Variants in SLC30A8 observed in about 807,000 individuals in gnomAD.
SLC30A8 encodes proton-coupled zinc antiporter SLC30A8.
SLC30A8 carries 27 observed loss-of-function variants against 36.9 expected under a neutral mutation model. The ratio of observed to expected loss-of-function variants is 0.73; its 90% confidence interval spans 0.54 to 1.01. SLC30A8 has a LOEUF of 1.01. SLC30A8 is among the 50% of genes least tolerant of loss of function. The probability of loss-of-function intolerance (pLI) is 0.00; values close to 1 mark genes in which losing one functional copy is unlikely to be tolerated. For missense variants in SLC30A8, 439 were observed against 452.0 expected (o/e 0.97, Z 0.26); for synonymous variants, 164 against 172.4 (o/e 0.95, Z 0.38).
chr8:116,966,429 G>T (rs1295819624), intron 1 of SLC30A8, among the ~76,000 whole-genome samples: 1 of 151,964 alleles, frequency 6.6e-6, no homozygotes, highest in Admixed American at 6.6e-5. Context: ...GGAGTTTCTG[G>T]CATTCCTAAG....
intron 2 of SLC30A8, among the ~76,000 whole-genome samples, chr8:117,045,278 A>G (rs1341510786): frequency 6.6e-6 from 1 of 152,162 alleles, no homozygotes; most frequent in Non-Finnish European, 1.5e-5. Flanking sequence ...ATGCTCTATA[A>G]CATCAGGGAA....
intron 1 of SLC30A8, among the ~76,000 whole-genome samples, chr8:116,967,012 T>C (rs549812557): frequency 6.6e-6 from 1 of 152,346 alleles, no homozygotes; most frequent in African/African-American, 2.4e-5. Flanking sequence ...ATTTCTGACT[T>C]TTCAGCTGCT....
chr8:116,972,398 G>A (rs560264868), intron 1 of SLC30A8, among the ~76,000 whole-genome samples: 20 of 152,290 alleles, frequency 1.3e-4, no homozygotes, highest in Middle Eastern at 3.4e-3. Context: ...GTGAGTCAAC[G>A]GGCAAGTGAC....
intron 1 of SLC30A8, among the ~76,000 whole-genome samples, chr8:116,955,292 A>G (rs1385867781): frequency 1.3e-5 from 2 of 152,234 alleles, no homozygotes; most frequent in Non-Finnish European, 2.9e-5. Flanking sequence ...AAATCTGATG[A>G]CTAGTGTCCT....
chr8:117,035,844 C>T (rs1360339109), intron 1 of SLC30A8, among the ~76,000 whole-genome samples: 1 of 152,172 alleles, frequency 6.6e-6, no homozygotes, highest in African/African-American at 2.4e-5. Flanking sequence ...GAGCTTGCAC[C>T]TCTAAAGCTG....
At chr8:117,013,798 T>A (rs560781791) in intron 1 of SLC30A8, among the ~76,000 whole-genome samples, 2 of 152,278 alleles carry the variant, frequency 1.3e-5, no homozygotes, top group East Asian at 1.9e-4. Context: ...TTTAACTTCA[T>A]TTTTTTCTTA....
intron 1 of SLC30A8, among the ~76,000 whole-genome samples, chr8:116,976,820 TTC>T (rs1462420620): frequency 0.022 from 2,833 of 131,094 alleles, 90 homozygotes; most frequent in African/African-American, 0.081. Flanking sequence ...CTTTCTTTCT[TTC>T]TTTTTTTTTT....
intron 2 of SLC30A8, among the ~76,000 whole-genome samples, chr8:117,066,485 C>A (rs1818175263): frequency 6.6e-6 from 1 of 152,170 alleles, no homozygotes; most frequent in African/African-American, 2.4e-5. Flanking sequence ...CTTCTAGTAA[C>A]AGAAAAGTGA....
intron 2 of SLC30A8, among the ~76,000 whole-genome samples, chr8:117,108,671 C>G (rs772944416): frequency 4.6e-5 from 7 of 152,208 alleles, no homozygotes; most frequent in Non-Finnish European, 8.8e-5. Context: ...TAGAGGACTT[C>G]ACATGTTGCT....
intron 2 of SLC30A8, among the ~76,000 whole-genome samples, chr8:117,110,117 T>A (rs190603856): frequency 1.3e-5 from 2 of 152,268 alleles, no homozygotes; most frequent in African/African-American, 4.8e-5. Context: ...TAAAAGCATG[T>A]TGATTCAAAA....
At chr8:117,079,017 G>A (rs1009669229) in intron 2 of SLC30A8, among the ~76,000 whole-genome samples, 1 of 151,336 alleles carries the variant, frequency 6.6e-6, no homozygotes, top group African/African-American at 2.4e-5. Context: ...TCTCTTTTTT[G>A]TCTTTTTTTT....
intron 1 of SLC30A8, among the ~76,000 whole-genome samples, chr8:116,987,052 G>A (rs1442569087): frequency 1.3e-5 from 2 of 151,750 alleles, no homozygotes; most frequent in East Asian, 3.9e-4. Context: ...CACTGACAAT[G>A]GCACATTGGT....
At chr8:117,000,592 A>T (rs559072415) in intron 1 of SLC30A8, among the ~76,000 whole-genome samples, 1 of 152,340 alleles carries the variant, frequency 6.6e-6, no homozygotes, top group East Asian at 1.9e-4. Flanking sequence ...ATATTAATCC[A>T]AATTATTTGG....
At chr8:117,048,775 G>T (rs916230177) in intron 2 of SLC30A8, among the ~76,000 whole-genome samples, 1 of 152,092 alleles carries the variant, frequency 6.6e-6, no homozygotes, top group Non-Finnish European at 1.5e-5. Flanking sequence ...TAAGTCTTTG[G>T]CCTAAAAACA....
rs148071945 is a variant in SLC30A8 at position 117,068,820 on chromosome 8, G to A, written c.-226+29562G>A. Reference sequence around the variant, plus strand: ...TCGAACTCCTGACCTCAAGTGATCCGCTCAACTTGGCCTCTGAAAGTGCTG... The same window carrying A: ...TCGAACTCCTGACCTCAAGTGATCCACTCAACTTGGCCTCTGAAAGTGCTG... On this transcript the variant is annotated intron_variant, in intron 2 of 10. Transcript: ENST00000427715. Among the ~76,000 whole-genome samples the A allele has an allele frequency of 2.1e-3, 315 of 152,134 alleles. 4 individuals carry two copies. Among genetic ancestry groups the A allele is most frequent in the African/African-American group, 7.2e-3 (298 of 41,510 alleles).
Position 116,971,115 on chromosome 8 carries a change from A to C in SLC30A8, c.-266+19996A>C, listed in dbSNP as rs140173087. On this transcript the variant is annotated intron_variant, in intron 1 of 10. Coordinates refer to the SLC30A8 transcript ENST00000427715. ...TCTCACAATAACAACAACAACAACA[A>C]CACACACACAAAAAAGAAAAGAAAA... is the stretch of plus-strand genomic sequence containing the variant. Among the ~76,000 whole-genome samples the C allele has an allele frequency of 2.2e-3, 337 of 152,186 alleles. 3 individuals carry two copies. Among genetic ancestry groups the C allele is most frequent in the African/African-American group, 7.8e-3 (324 of 41,538 alleles).
At position 117,013,890 on chromosome 8, in the gene SLC30A8, AT is replaced by A. The variant is rs1027221862; in HGVS notation, c.-265-25322del. Among the ~76,000 whole-genome samples, 5 of 152,232 alleles carry A rather than the reference AT, an allele frequency of 3.3e-5. No homozygotes were observed. In the South Asian group the frequency reaches 8.3e-4, roughly 25 times the overall value. On this transcript the variant is annotated intron_variant, in intron 1 of 10. Coordinates refer to the SLC30A8 transcript ENST00000427715. ...GAGAATATATTAATCATTATCAGTC[AT>A]TTTTTTCAATGATAGCACATTTAAG...
intron 1 of SLC30A8, among the ~76,000 whole-genome samples, chr8:117,034,919 T>C (rs1402907780): frequency 1.3e-5 from 2 of 151,806 alleles, no homozygotes; most frequent in African/African-American, 4.8e-5. Context: ...GTCAAACACT[T>C]ATAAAACCAT....
intron 2 of SLC30A8, among the ~76,000 whole-genome samples, chr8:117,103,501 G>A (rs182658824): frequency 6.6e-6 from 1 of 150,986 alleles, no homozygotes; most frequent in Non-Finnish European, 1.5e-5. Flanking sequence ...TTGAGACAGG[G>A]TCTCACTCTG....
Sources: gnomAD v4.1 joint callset for allele counts (sites outside exome capture counted in the v4.1 genomes callset) on GRCh38, gnomAD v4.1.1 for gene constraint, MANE v1.5 for transcripts, NCBI Gene and HGNC (gene_info 2026-07-23, HGNC 2026-07-21) for gene names.